TMC1: variants seen among roughly 807,000 people sequenced by gnomAD.
TMC1 encodes the protein transmembrane channel-like protein 1.
A neutral mutation model predicts 105.8 loss-of-function variants in TMC1; 84 were observed. The ratio of observed to expected loss-of-function variants is 0.79; its 90% confidence interval spans 0.67 to 0.95. The LOEUF is 0.95. TMC1 is among the 40% of genes least tolerant of loss of function. TMC1 has a pLI of 0.00. For missense variants in TMC1, 817 were observed against 914.1 expected (o/e 0.89, Z 1.37); for synonymous variants, 315 against 311.5 (o/e 1.01, Z -0.12).
At chr9:72,561,859 G>T (rs115011765) in intron 1 of TMC1, among the ~76,000 whole-genome samples, 1 of 152,116 alleles carries the variant, frequency 6.6e-6, no homozygotes, top group Non-Finnish European at 1.5e-5. Flanking sequence ...GCCCCAAACC[G>T]GAGCGGGGTG....
chr9:72,596,539 TAAAAAAAAAAA>T (rs35140344), intron 2 of TMC1, among the ~76,000 whole-genome samples: 147 of 102,258 alleles, frequency 1.4e-3, no homozygotes, highest in African/African-American at 4.8e-3. Flanking sequence ...GTTTCAATTG[TAAAAAAAAAAA>T]AAAAAAAAAA....
chr9:72,617,354 G>T (rs1238103828), intron 3 of TMC1, among the ~76,000 whole-genome samples: 2 of 151,992 alleles, frequency 1.3e-5, no homozygotes, highest in Non-Finnish European at 2.9e-5. Flanking sequence ...AGTAGAGACG[G>T]GGTTTCACCA....
chr9:72,610,993 C>T (rs1328122512), intron 2 of TMC1, among the ~76,000 whole-genome samples: 1 of 152,162 alleles, frequency 6.6e-6, no homozygotes, highest in East Asian at 1.9e-4. Flanking sequence ...TCTGTTACCT[C>T]CTTACCTTGG....
chr9:72,803,738 G>A (rs12346294), intron 17 of TMC1, among the ~76,000 whole-genome samples: 2,171 of 152,296 alleles, frequency 0.014, 56 homozygotes, highest in African/African-American at 0.047. Flanking sequence ...AACAACAGAT[G>A]CTGGTGAGGC....
intron 1 of TMC1, among the ~76,000 whole-genome samples, chr9:72,571,397 C>T (rs114841564): frequency 0.043 from 6,546 of 150,866 alleles, 220 homozygotes; most frequent in Middle Eastern, 0.094. Flanking sequence ...TCTCTGTGTT[C>T]TAGAGGTTTG....
intron 8 of TMC1, 23 bp downstream of exon 8, chr9:72,700,666 TA>T (rs1478139968): frequency 6.5e-7 from 1 of 1,546,606 alleles, no homozygotes; most frequent in Non-Finnish European, 8.8e-7. Context: ...TTTTTATAAG[TA>T]GAAACACTTT....
chr9:72,545,331 A>T (rs374313821), intron 1 of TMC1, among the ~76,000 whole-genome samples: 687 of 47,998 alleles, frequency 0.014, 4 homozygotes, highest in African/African-American at 0.055. Flanking sequence ...TGTTTTTTTT[A>T]AAAAAAAACC....
chr9:72,715,767 C>T (rs956306316), intron 8 of TMC1, among the ~76,000 whole-genome samples: 2 of 152,082 alleles, frequency 1.3e-5, no homozygotes, highest in Admixed American at 6.5e-5. Context: ...TCTGTCAATT[C>T]GTCAAACTCA....
At chr9:72,568,156 G>A (rs1385816189) in intron 1 of TMC1, among the ~76,000 whole-genome samples, 1 of 151,444 alleles carries the variant, frequency 6.6e-6, no homozygotes, top group Non-Finnish European at 1.5e-5. Flanking sequence ...TTTGTAGTCA[G>A]ATCCTTTCCC....
chr9:72,627,176 CA>C (rs1825362300), intron 3 of TMC1, among the ~76,000 whole-genome samples: 1 of 152,046 alleles, frequency 6.6e-6, no homozygotes, highest in African/African-American at 2.4e-5. Context: ...TTCAGAAAAA[CA>C]GTCTCAGTTT....
At chr9:72,563,333 T>C (rs144733102) in intron 1 of TMC1, among the ~76,000 whole-genome samples, 7 of 152,254 alleles carry the variant, frequency 4.6e-5, no homozygotes, top group African/African-American at 1.2e-4. Flanking sequence ...CATTTCACTA[T>C]GGTAATTTGG....
At chr9:72,811,173 G>A (rs1220798780) in intron 18 of TMC1, among the ~76,000 whole-genome samples, 3 of 152,070 alleles carry the variant, frequency 2.0e-5, no homozygotes, top group Admixed American at 6.6e-5. Flanking sequence ...ACTTCTGGAC[G>A]AAAATGTTAT....
At chr9:72,807,289 T>G (rs999792323) in intron 18 of TMC1, among the ~76,000 whole-genome samples, 1 of 151,988 alleles carries the variant, frequency 6.6e-6, no homozygotes. Context: ...AGGGAGTAAT[T>G]TTGCGCTTAT....
chr9:72,652,124 C>T (rs1490926036), intron 5 of TMC1, among the ~76,000 whole-genome samples: 1 of 152,038 alleles, frequency 6.6e-6, no homozygotes, highest in Non-Finnish European at 1.5e-5. Context: ...GGTGGTATCC[C>T]ATTATGGTTT....
chr9:72,701,544 A>C (rs1412144430), intron 8 of TMC1, among the ~76,000 whole-genome samples: 1 of 152,178 alleles, frequency 6.6e-6, no homozygotes, highest in African/African-American at 2.4e-5. Flanking sequence ...AATAGTAGTA[A>C]GTTTTAAAAA....
chr9:72,688,734 A>G lies in TMC1; in HGVS notation c.42A>G (p.Glu14=). 6.2e-7 allele frequency: 1 copy of G among 1,612,320 alleles called. No individual in the cohort carries two copies. The highest frequency in any genetic ancestry group is 8.5e-7 in the Non-Finnish European group (1 of 1,178,892). Residue 14 remains glutamate, a synonymous_variant, in exon 6 of 24, where the codon GAA becomes GAG. Coordinates refer to ENST00000297784, the MANE Select transcript of TMC1 (RefSeq NM_138691.3). ...TACAAATCAAAGTGGAGGAAAAAGA[A>G]GACGAGACTGAGGAAAGCTCAAGTA... ...KKVQIKVEEK[E]DETEESSSEE...
At chr9:72,761,239 C>T (rs1827750885) in intron 12 of TMC1, among the ~76,000 whole-genome samples, 1 of 151,910 alleles carries the variant, frequency 6.6e-6, no homozygotes, top group African/African-American at 2.4e-5. Context: ...TGGCAAGATA[C>T]CTGGAGAGAC....
intron 4 of TMC1, among the ~76,000 whole-genome samples, chr9:72,645,086 C>G (rs572253209): frequency 6.6e-6 from 1 of 152,084 alleles, no homozygotes; most frequent in Non-Finnish European, 1.5e-5. Context: ...ATGTTGAAGT[C>G]GAAGCCCACA....
At chr9:72,717,012 G>A (rs1480202391) in intron 8 of TMC1, among the ~76,000 whole-genome samples, 1 of 152,216 alleles carries the variant, frequency 6.6e-6, no homozygotes, top group African/African-American at 2.4e-5. Context: ...GGCTAGGAGA[G>A]GGAGTTCCCT....
Sources: allele counts gnomAD v4.1 joint callset (sites outside exome capture counted in the v4.1 genomes callset), GRCh38; gene constraint gnomAD v4.1.1; transcripts MANE v1.5; gene names NCBI Gene and HGNC (gene_info 2026-07-23, HGNC 2026-07-21).